GLMN: variants seen among roughly 807,000 people sequenced by gnomAD.
GLMN encodes the protein glomulin.
Under a neutral mutation model 87.8 loss-of-function variants are expected in GLMN, and 75 were observed. The observed-to-expected ratio is 0.85, with a 90% CI of 0.71 to 1.04. The LOEUF (loss-of-function observed/expected upper bound fraction) is 1.04. Ranked by LOEUF, GLMN falls within the 50% of genes least tolerant of loss-of-function variation. The pLI, the probability that GLMN is intolerant of heterozygous loss-of-function variation, is 0.00. For missense variants in GLMN, 588 were observed against 658.8 expected (o/e 0.89, Z 1.18); for synonymous variants, 206 against 221.6 (o/e 0.93, Z 0.63).
the GLMN span, among the ~76,000 whole-genome samples, chr1:92,322,745 T>C: frequency 1.3e-5 from 2 of 151,078 alleles, no homozygotes; most frequent in Non-Finnish European, 3.0e-5. Context: ...GGCGTGGTGG[T>C]GCCCACGTGT....
rs755521962 is a variant in GLMN at position 92,271,476 on chromosome 1, T to C, written c.912A>G (p.Pro304=). Residue 304 remains proline (P), a synonymous_variant, in exon 8 of 19, where the codon CCA becomes CCG. Coordinates refer to ENST00000370360, the MANE Select transcript of GLMN (RefSeq NM_053274.3). ...ACACTAACTCTTACCTTAAGACCAT[T>C]GGAAGCTGATCAATATGGATGCCCT... The part of the protein sequence containing the change: ...FVQGIHIDQL[P]MVLSPLYLLQ... 3.1e-6 allele frequency: 5 copies of C among 1,611,460 alleles called. No homozygotes were observed. The highest frequency in any genetic ancestry group is 1.7e-5 in the Admixed American group (1 of 59,988).
chr1:92,269,200 C>CTT (rs769947623), intron 9 of GLMN, among the ~76,000 whole-genome samples: 2 of 132,106 alleles, frequency 1.5e-5, no homozygotes, highest in Admixed American at 7.6e-5. Flanking sequence ...CCGTGCCTGG[C>CTT]TTTTTTTTTT....
chr1:92,360,088 C>G, the GLMN span, among the ~76,000 whole-genome samples: 3 of 152,224 alleles, frequency 2.0e-5, no homozygotes, highest in Non-Finnish European at 4.4e-5. Flanking sequence ...GATTCAGACT[C>G]AGACCCTATC....
chr1:92,323,612 AC>A, the GLMN span: 1 of 1,614,114 alleles, frequency 6.2e-7, no homozygotes, highest in East Asian at 2.2e-5. Context: ...CTACCAGGAA[AC>A]AGACCAAATT....
At chr1:92,276,109 C>T (rs1190975950) in intron 7 of GLMN, among the ~76,000 whole-genome samples, 1 of 151,968 alleles carries the variant, frequency 6.6e-6, no homozygotes, top group Non-Finnish European at 1.5e-5. Context: ...CCTGTAAGTC[C>T]CAGCTACTCA....
chr1:92,334,761 C>T, the GLMN span, among the ~76,000 whole-genome samples: 1 of 151,940 alleles, frequency 6.6e-6, no homozygotes, highest in Non-Finnish European at 1.5e-5. Context: ...CTGAGGCAGG[C>T]AGATCACAAG....
At chr1:92,257,658 A>T (rs1395822920) in intron 16 of GLMN, among the ~76,000 whole-genome samples, 2 of 152,222 alleles carry the variant, frequency 1.3e-5, no homozygotes, top group African/African-American at 2.4e-5. Flanking sequence ...AGGATTCCCT[A>T]TTTAATAAAT....
Position 92,264,098 on chromosome 1 carries a change from T to C in GLMN, c.1300-366A>G, listed in dbSNP as rs143246447. Reference sequence around the variant, plus strand: ...TGGGAGGCCAAGGTGGGTGGATCACTTGAGATCAGGAGTTCAAGACGAGCC... The same window carrying C: ...TGGGAGGCCAAGGTGGGTGGATCACCTGAGATCAGGAGTTCAAGACGAGCC... On this transcript the variant is annotated intron_variant, in intron 14 of 18. Coordinates refer to ENST00000370360, the MANE Select transcript of GLMN (RefSeq NM_053274.3). Among the ~76,000 whole-genome samples, 531 of 152,258 alleles carry C rather than the reference T, an allele frequency of 3.5e-3. 1 individual carries two copies. Among genetic ancestry groups the C allele is most frequent in the Admixed American group, 6.6e-3 (101 of 15,292 alleles).
At position 92,291,550 on chromosome 1, in the gene GLMN, T is replaced by A. The variant is rs373908663; in HGVS notation, c.166-13A>T. On this transcript the variant is annotated splice_polypyrimidine_tract_variant and intron_variant, in intron 3 of 18. Coordinates refer to ENST00000370360, the MANE Select transcript of GLMN (RefSeq NM_053274.3). Reference sequence around the variant, plus strand: ...TCTTGATGATGACCTGTAAAAACATTTTCAGAGTAAAGCAAACACTGCCAT... The same window carrying A: ...TCTTGATGATGACCTGTAAAAACATATTCAGAGTAAAGCAAACACTGCCAT... 10 of 1,613,312 alleles carry A rather than the reference T, an allele frequency of 6.2e-6. No homozygotes were observed. The highest frequency in any genetic ancestry group is 1.3e-5 in the African/African-American group (1 of 74,870).
chr1:92,305,431 T>G, the GLMN span, among the ~76,000 whole-genome samples: 1 of 9,742 alleles, frequency 1.0e-4, no homozygotes, highest in African/African-American at 5.6e-4. Flanking sequence ...AGGCTCCGTC[T>G]CAAAAAAAAA....
intron 9 of GLMN, 25 bp downstream of exon 9, chr1:92,269,698 T>C: frequency 6.6e-7 from 1 of 1,523,458 alleles, no homozygotes. Context: ...TATTTCATTT[T>C]GAGATACCAT....
intron 5 of GLMN, among the ~76,000 whole-genome samples, chr1:92,289,459 T>C (rs892159488): frequency 6.6e-6 from 1 of 152,202 alleles, no homozygotes; most frequent in African/African-American, 2.4e-5. Flanking sequence ...TATAAGTGTA[T>C]TGTAAACTAT....
In GLMN at chr1:92,264,554, CT is replaced by C; in HGVS notation, c.1298del (p.Lys433ArgfsTer14). The C allele has an allele frequency of 6.9e-7, 1 of 1,456,552 alleles. No individual in the cohort carries two copies. The highest frequency in any genetic ancestry group is 9.6e-7 in the Non-Finnish European group (1 of 1,036,580). 90.2% of individuals were successfully genotyped at this position (1,456,552 alleles called of 1,614,324 possible). On this transcript the variant is annotated frameshift_variant and splice_region_variant, in exon 14 of 19. Coordinates refer to ENST00000370360, the MANE Select transcript of GLMN (RefSeq NM_053274.3). LOFTEE classifies it high-confidence loss of function. ...NIKNQIDMSL[K>X]RTRNNKWFTG... ...ATTGACACTTTGGCTATGTTCTTAC[CT>C]TTAATGACATGTCAATTTGATTTTT...
At chr1:92,275,797 C>T (rs1180834642) in intron 7 of GLMN, among the ~76,000 whole-genome samples, 1 of 152,190 alleles carries the variant, frequency 6.6e-6, no homozygotes, top group Non-Finnish European at 1.5e-5. Flanking sequence ...CTCTACTACA[C>T]CAGTTTCTGT....
chr1:92,324,090 T>C, the GLMN span: 1 of 1,614,112 alleles, frequency 6.2e-7, no homozygotes, highest in Non-Finnish European at 8.5e-7. Flanking sequence ...ATGGCCAGAA[T>C]TATGCTTCTG....
At chr1:92,300,194 G>A (rs1650715128), upstream of GLMN, 2 of 1,605,038 alleles carry the variant, frequency 1.2e-6, no homozygotes, top group Non-Finnish European at 1.7e-6. Flanking sequence ...TTTATTGTAG[G>A]TACTAAACAG....
chr1:92,304,113 T>C, the GLMN span: 1 of 1,434,544 alleles, frequency 7.0e-7, no homozygotes. Flanking sequence ...AGGCTTTTAT[T>C]ATTTTCATTT....
At chr1:92,335,964 T>C in the GLMN span, among the ~76,000 whole-genome samples, 14 of 152,310 alleles carry the variant, frequency 9.2e-5, no homozygotes, top group East Asian at 2.5e-3. Context: ...TAATTTTCAC[T>C]CCCACCATGG....
At chr1:92,305,374 A>C in the GLMN span, among the ~76,000 whole-genome samples, 1 of 143,982 alleles carries the variant, frequency 6.9e-6, no homozygotes. Flanking sequence ...CGGAGCTTGC[A>C]GTGAGCCGAG....
Sources: gnomAD v4.1 joint callset for allele counts (sites outside exome capture counted in the v4.1 genomes callset) on GRCh38, gnomAD v4.1.1 for gene constraint, MANE v1.5 for transcripts, NCBI Gene and HGNC (gene_info 2026-07-23, HGNC 2026-07-21) for gene names.